The following FAM13C variants were observed in gnomAD, a reference collection of about 807,000 sequenced individuals.
FAM13C encodes the protein protein FAM13C.
In FAM13C, 37 loss-of-function variants were observed where a neutral mutation model predicts 73.2. The observed-to-expected ratio is 0.51, with a 90% confidence interval of 0.39 to 0.67. FAM13C has a LOEUF of 0.67. Among genes scored for constraint, FAM13C ranks in the 30% least tolerant of loss-of-function variants. The pLI is 0.00. For synonymous variants in FAM13C, 246 were observed against 260.9 expected (o/e 0.94, Z 0.55); for missense variants, 589 against 715.6 (o/e 0.82, Z 2.02).
intron 5 of FAM13C, among the ~76,000 whole-genome samples, chr10:59,295,335 AGAC>A (rs1846778715): frequency 6.6e-6 from 1 of 152,226 alleles, no homozygotes; most frequent in Non-Finnish European, 1.5e-5. Context: ...TGGTAGCAAA[AGAC>A]AACATTATAG....
At chr10:59,353,497 G>T (rs974650102) in intron 2 of FAM13C, among the ~76,000 whole-genome samples, 1 of 152,044 alleles carries the variant, frequency 6.6e-6, no homozygotes, top group Non-Finnish European at 1.5e-5. Context: ...CTTACCAAAA[G>T]CACCCATAAA....
At chr10:59,293,639 T>C (rs536164196) in intron 5 of FAM13C, among the ~76,000 whole-genome samples, 8 of 152,200 alleles carry the variant, frequency 5.3e-5, no homozygotes, top group Non-Finnish European at 8.8e-5. Flanking sequence ...CTCTTGTCTC[T>C]CTATAAACTT....
At chr10:59,354,233 G>A (rs284609) in intron 2 of FAM13C, among the ~76,000 whole-genome samples, 50,679 of 152,048 alleles carry the variant, frequency 0.33, 9,701 homozygotes, top group African/African-American at 0.51. Flanking sequence ...AAATTTAGAA[G>A]TGTAATTTTG....
chr10:59,292,004 G>A (rs566575959), intron 5 of FAM13C, among the ~76,000 whole-genome samples: 4 of 152,078 alleles, frequency 2.6e-5, no homozygotes, highest in East Asian at 1.9e-4. Context: ...TAGCCAGGAT[G>A]GTCTCTATCT....
intron 4 of FAM13C, among the ~76,000 whole-genome samples, chr10:59,314,950 A>T (rs1374303605): frequency 3.3e-5 from 5 of 152,242 alleles, no homozygotes; most frequent in African/African-American, 4.8e-5. Flanking sequence ...CCTAAACCAC[A>T]AAGGCTGTAA....
intron 1 of FAM13C, 147 bp downstream of exon 1, chr10:59,362,252 G>C: frequency 3.6e-6 from 4 of 1,121,926 alleles, no homozygotes; most frequent in Non-Finnish European, 5.0e-6. Context: ...CCACCAGTCA[G>C]CACGTCTCAC....
chr10:59,274,621 A>T (rs187342936), intron 6 of FAM13C, among the ~76,000 whole-genome samples: 45 of 152,300 alleles, frequency 3.0e-4, no homozygotes, highest in African/African-American at 1.0e-3. Context: ...GTTTGCCATA[A>T]TGGATAAAAA....
intron 6 of FAM13C, among the ~76,000 whole-genome samples, chr10:59,280,677 G>A (rs565440185): frequency 6.6e-5 from 10 of 152,348 alleles, no homozygotes; most frequent in African/African-American, 2.2e-4. Context: ...TGATCTGTAA[G>A]AAGGTTCTGG....
chr10:59,335,255 C>G (rs1025456402), intron 3 of FAM13C, among the ~76,000 whole-genome samples: 2 of 152,144 alleles, frequency 1.3e-5, no homozygotes, highest in East Asian at 1.9e-4. Context: ...GCAATAAGAT[C>G]AGACAATACA....
At chr10:59,343,862 C>T (rs10826280) in intron 3 of FAM13C, among the ~76,000 whole-genome samples, 81,607 of 151,996 alleles carry the variant, frequency 0.54, 23,209 homozygotes, top group Middle Eastern at 0.63. Flanking sequence ...AGAGTTCAGC[C>T]TAGCCCACCA....
chr10:59,340,537 C>T (rs914432614), intron 3 of FAM13C, among the ~76,000 whole-genome samples: 3 of 152,074 alleles, frequency 2.0e-5, no homozygotes, highest in Admixed American at 6.5e-5. Flanking sequence ...CTTGTTCCTT[C>T]GGACTCTCCA....
chr10:59,264,231 A>G, intron 8 of FAM13C, 65 bp from the exon 9 acceptor site: 1 of 1,224,602 alleles, frequency 8.2e-7, no homozygotes. Flanking sequence ...GGGGAGAAAA[A>G]GAGAAAAGGA....
Position 59,324,075 on chromosome 10 carries a change from T to G in FAM13C, c.356A>C (p.Glu119Ala). The change falls in exon 4 of 14, where the codon GAG (glutamate) becomes GCG (alanine). Residue 119 changes from glutamate (E) to alanine (A), a missense_variant. Glu to Ala is a moderately radical substitution (Grantham distance 107). Transcript: ENST00000618804. ...TGGTGTTCCTGCTCTCACCTGACAC[T>G]CTGACTGGCTGGATACCACATGCTC... The part of the protein sequence containing the change: ...ETEHVVSSQS[E>A]CQVRAGTPAH... The G allele has an allele frequency of 1.9e-6, 3 of 1,613,986 alleles. No homozygotes were observed. Among genetic ancestry groups the G allele is most frequent in the Non-Finnish European group, 2.5e-6 (3 of 1,179,920 alleles).
At chr10:59,254,711 T>C (rs1445286661) in intron 10 of FAM13C, among the ~76,000 whole-genome samples, 1 of 151,998 alleles carries the variant, frequency 6.6e-6, no homozygotes, top group Non-Finnish European at 1.5e-5. Context: ...CAAGCGATTC[T>C]CTTGCCTCAG....
rs567179055 is a variant in FAM13C, at chr10:59,294,575, C to A, written c.507+8226G>T. ...TTCCCCTGAGGGTGAGGCTCACAGA[C>A]CTGGTTTCCCTGGAAATAAGAAAGC... On this transcript the variant is annotated intron_variant, in intron 5 of 13. Transcript: ENST00000618804. 1.3e-3 allele frequency among the ~76,000 whole-genome samples: 191 copies of A among 152,294 alleles called. 1 individual carries two copies. Among genetic ancestry groups the A allele is most frequent in the African/African-American group, 4.4e-3 (184 of 41,552 alleles).
chr10:59,268,035 G>T (rs1179660731), intron 8 of FAM13C, among the ~76,000 whole-genome samples: 2 of 152,084 alleles, frequency 1.3e-5, no homozygotes, highest in African/African-American at 2.4e-5. Context: ...GAAGGCTTAG[G>T]GTTGGTTCTT....
chr10:59,254,437 T>C lies in FAM13C; in HGVS notation c.1243A>G (p.Lys415Glu). The C allele has an allele frequency of 6.7e-7, 1 of 1,489,864 alleles. No homozygotes were observed. The highest frequency in any genetic ancestry group is 9.0e-7 in the Non-Finnish European group (1 of 1,115,198). The allele number at this position is 1,489,864 out of a possible 1,614,324, so 92.3% of individuals were successfully genotyped here. A position where few individuals can be genotyped will look rare whatever the true frequency, so the allele number is the denominator to read the frequency against. ...GGCTTTATGAGGTTCTTGTCTTGCT[T>C]AGTTACCTGAAAAACATGAAATTAA... ...LPPQEDSKVTKQDKNLIKPLY... is the reference protein window; with the variant it reads ...LPPQEDSKVTEQDKNLIKPLY... Residue 415 changes from lysine to glutamate, a missense_variant, in exon 11 of 14, where the codon AAG becomes GAG. Coordinates refer to ENST00000618804, the MANE Select transcript of FAM13C (RefSeq NM_198215.4).
At chr10:59,283,583 C>T (rs1845192869) in intron 5 of FAM13C, 136 bp from the exon 6 acceptor site, 2 of 830,428 alleles carry the variant, frequency 2.4e-6, no homozygotes, top group Non-Finnish European at 4.1e-6. Context: ...GCAGCTCCCG[C>T]AAGCACCTTC....
intron 5 of FAM13C, 97 bp downstream of exon 5, chr10:59,302,704 G>A: frequency 8.5e-7 from 1 of 1,176,640 alleles, no homozygotes; most frequent in Non-Finnish European, 1.2e-6. Context: ...AAAATACTAA[G>A]TTTTCATGAG....
Sources: gnomAD v4.1 joint callset for allele counts (sites outside exome capture counted in the v4.1 genomes callset) on GRCh38, gnomAD v4.1.1 for gene constraint, MANE v1.5 for transcripts, NCBI Gene and HGNC (gene_info 2026-07-23, HGNC 2026-07-21) for gene names.